Variants in KAZN observed in about 807,000 individuals in gnomAD.
KAZN encodes kazrin, periplakin interacting protein.
A neutral mutation model predicts 87.4 loss-of-function variants in KAZN; 40 were observed. The ratio of observed to expected loss-of-function variants is 0.46; its 90% CI spans 0.36 to 0.60. KAZN has a LOEUF of 0.60. KAZN is among the 20% of genes least tolerant of loss of function. The probability of loss-of-function intolerance (pLI) is 0.00; values close to 1 mark genes in which losing one functional copy is unlikely to be tolerated. For missense variants in KAZN, 898 were observed against 1,073.9 expected (o/e 0.84, Z 2.29); for synonymous variants, 466 against 458.3 (o/e 1.02, Z -0.22).
At chr1:14,352,818 C>T (rs908773138) in intron 2 of KAZN, among the ~76,000 whole-genome samples, 4 of 152,150 alleles carry the variant, frequency 2.6e-5, no homozygotes, top group Non-Finnish European at 4.4e-5. Flanking sequence ...AAGGATAATA[C>T]ATCATGACTG....
intron 1 of KAZN, among the ~76,000 whole-genome samples, chr1:14,858,229 T>TTTTTTTTTTTTTG (rs1352802605): frequency 6.8e-6 from 1 of 146,534 alleles, no homozygotes. Flanking sequence ...TTTTTTTTTT[T>TTTTTTTTTTTTTG]TGAGACAAAG....
intron 1 of KAZN, among the ~76,000 whole-genome samples, chr1:13,998,632 A>G (rs1639636398): frequency 6.6e-6 from 1 of 151,864 alleles, no homozygotes; most frequent in African/African-American, 2.4e-5. Context: ...AAAGAAGGGT[A>G]ATGGTAAAGG....
intron 1 of KAZN, among the ~76,000 whole-genome samples, chr1:14,714,729 A>G (rs1360555871): frequency 6.6e-6 from 1 of 150,836 alleles, no homozygotes; most frequent in Non-Finnish European, 1.5e-5. Flanking sequence ...AGATGTGGAT[A>G]GGTCTTGGTT....
intron 2 of KAZN, among the ~76,000 whole-genome samples, chr1:14,260,619 T>C (rs1650939058): frequency 6.6e-6 from 1 of 152,176 alleles, no homozygotes; most frequent in Admixed American, 6.5e-5. Flanking sequence ...GCTCCATTCT[T>C]TGTGAGCAAT....
At chr1:14,055,674 T>C (rs1468804518) in intron 1 of KAZN, among the ~76,000 whole-genome samples, 1 of 152,188 alleles carries the variant, frequency 6.6e-6, no homozygotes, top group Non-Finnish European at 1.5e-5. Flanking sequence ...TGTGCAGTGC[T>C]GTCGCTCCAC....
chr1:14,679,780 T>C lies in KAZN; in HGVS notation c.226+80557T>C, dbSNP rs534805247. Among the ~76,000 whole-genome samples the C allele has an allele frequency of 3.0e-4, 46 of 152,194 alleles. 1 individual carries two copies. The highest frequency in any genetic ancestry group is 1.1e-3 in the African/African-American group (44 of 41,528). ...AACATGCCCAAGGTCACTTGGCTAG[T>C]CGGATAGGCATCAGGTTTTGAACCC... On this transcript the variant is annotated intron_variant, in intron 1 of 14. Transcript: ENST00000376030.
chr1:14,519,272 A>C (rs1671456741), intron 2 of KAZN, among the ~76,000 whole-genome samples: 1 of 152,224 alleles, frequency 6.6e-6, no homozygotes, highest in Non-Finnish European at 1.5e-5. Context: ...ACTGAGCTGC[A>C]GTTTTGTAGT....
intron 2 of KAZN, among the ~76,000 whole-genome samples, chr1:14,557,619 GGTGTGTGTGGGTGTGTGT>G (rs1405469242): frequency 1.1e-5 from 1 of 94,044 alleles, no homozygotes; most frequent in African/African-American, 3.7e-5. Context: ...AAACCAATAG[GGTGTGTGTGGGTGTGTGT>G]GTGTGTGTGT....
intron 1 of KAZN, among the ~76,000 whole-genome samples, chr1:13,966,726 C>T (rs1287561144): frequency 2.6e-5 from 4 of 151,982 alleles, no homozygotes; most frequent in Admixed American, 6.6e-5. Context: ...CACAGGATTT[C>T]GAAGCATTAG....
intron 1 of KAZN, among the ~76,000 whole-genome samples, chr1:14,099,162 G>A (rs1644193694): frequency 6.6e-6 from 1 of 152,062 alleles, no homozygotes; most frequent in Non-Finnish European, 1.5e-5. Context: ...AGGGGAATAA[G>A]GAATCAGGGC....
intron 1 of KAZN, among the ~76,000 whole-genome samples, chr1:14,865,660 T>A (rs1651367378): frequency 6.6e-6 from 1 of 152,206 alleles, no homozygotes; most frequent in South Asian, 2.1e-4. Flanking sequence ...ATCCTGCCTG[T>A]ACTGGGTTGG....
intron 1 of KAZN, among the ~76,000 whole-genome samples, chr1:14,130,092 T>C (rs1644959894): frequency 6.6e-6 from 1 of 152,268 alleles, no homozygotes. Flanking sequence ...TGTCTCTTAT[T>C]ATCTTTCTGC....
chr1:14,834,640 C>T lies in KAZN; in HGVS notation c.227-126044C>T, dbSNP rs140773057. ...CCTCCCAAAGTGCTGGGATTACAGG[C>T]GTGAGCCACTGCGCCCAGCTGAAAC... On this transcript the variant is annotated intron_variant, in intron 1 of 14. Transcript: ENST00000376030. Among the ~76,000 whole-genome samples, 108 of 152,136 alleles carry T rather than the reference C, an allele frequency of 7.1e-4. No individual in the cohort carries two copies. In the East Asian group the frequency reaches 0.016, roughly 23 times the overall value.
At chr1:14,569,499 T>G in intron 2 of KAZN, among the ~76,000 whole-genome samples, 1 of 151,800 alleles carries the variant, frequency 6.6e-6, no homozygotes, top group Non-Finnish European at 1.5e-5. Context: ...ATTTTTTGTA[T>G]TTTTAGTAGA....
At chr1:14,492,242 T>C (rs370025141) in intron 2 of KAZN, among the ~76,000 whole-genome samples, 2 of 152,064 alleles carry the variant, frequency 1.3e-5, no homozygotes, top group East Asian at 3.9e-4. Context: ...GAACAGGAGT[T>C]TGGGTTCTTC....
At chr1:15,098,932 T>C (rs1358302796) in intron 10 of KAZN, among the ~76,000 whole-genome samples, 1 of 152,188 alleles carries the variant, frequency 6.6e-6, no homozygotes, top group Non-Finnish European at 1.5e-5. Context: ...CCCCAGGAGC[T>C]GACCGTCCAG....
chr1:14,567,834 C>A (rs1674633384), intron 2 of KAZN, among the ~76,000 whole-genome samples: 1 of 152,156 alleles, frequency 6.6e-6, no homozygotes, highest in African/African-American at 2.4e-5. Context: ...CTCCTCTGAT[C>A]TTTCACAGTT....
At chr1:14,477,443 TCCCC>T (rs1553177998) in intron 2 of KAZN, among the ~76,000 whole-genome samples, 1 of 146,736 alleles carries the variant, frequency 6.8e-6, no homozygotes, top group African/African-American at 2.6e-5. Context: ...TCTCTCTCTC[TCCCC>T]CTCTCTCTCT....
intron 1 of KAZN, among the ~76,000 whole-genome samples, chr1:14,672,068 A>AT (rs140782976): frequency 1.7e-4 from 25 of 149,768 alleles, no homozygotes; most frequent in Non-Finnish European, 2.2e-4. Flanking sequence ...TTTTGTCCTT[A>AT]TTTTTTTTTT....
Sources: allele counts gnomAD v4.1 joint callset (sites outside exome capture counted in the v4.1 genomes callset), GRCh38; gene constraint gnomAD v4.1.1; transcripts MANE v1.5; gene names NCBI Gene and HGNC (gene_info 2026-07-23, HGNC 2026-07-21).